The following SLC17A2 variants were observed in gnomAD, a reference collection of about 807,000 sequenced individuals.
SLC17A2 encodes sodium-dependent phosphate transport protein 3.
SLC17A2 carries 38 observed loss-of-function variants against 52.1 expected under a neutral mutation model. That is an observed-to-expected ratio of 0.73 (90% CI 0.56 to 0.96). The LOEUF (loss-of-function observed/expected upper bound fraction) is 0.96, where lower values mean the gene tolerates loss of function less well. SLC17A2 is among the 40% of genes least tolerant of loss of function. The probability of loss-of-function intolerance (pLI) is 0.00; values close to 1 mark genes in which losing one functional copy is unlikely to be tolerated. For synonymous variants in SLC17A2, 226 were observed against 211.9 expected, an observed-to-expected ratio of 1.07 and a Z score of -0.58; for missense variants, 508 against 583.9, an observed-to-expected ratio of 0.87 and a Z score of 1.34.
At position 25,914,616 on chromosome 6, in the gene SLC17A2, G is replaced by A; in HGVS notation, c.1266C>T (p.Ile422=). The change falls in exon 11 of 12, where the codon ATC becomes ATT. Residue 422 remains isoleucine (I), a synonymous_variant. Coordinates refer to ENST00000377850, the MANE Select transcript of SLC17A2 (RefSeq NM_001286123.3). ...GGAATCCAGTGGCAGTGGAAGAGAT[G>A]ATTCCTGCGATGAGCCCAAATCCCC... ...ISRGFGLIAG[I]ISSTATGFLI... 1 of 1,613,232 alleles carries A rather than the reference G, an allele frequency of 6.2e-7. No homozygotes were observed. Among genetic ancestry groups the A allele is most frequent in the South Asian group, 1.1e-5 (1 of 91,058 alleles).
chr6:25,921,353 A>G lies in SLC17A2; in HGVS notation c.300T>C (p.Tyr100=). 1.2e-6 allele frequency: 2 copies of G among 1,614,160 alleles called. No individual in the cohort carries two copies. Among genetic ancestry groups the G allele is most frequent in the Non-Finnish European group, 1.7e-6 (2 of 1,180,016 alleles). ...TTGGGATCAGAGTCAGTATTATCCC[A>G]TAGTTGATGGAGCTAAAGATGATAC... The part of the protein sequence containing the change: ...TQGIIFSSIN[Y]GIILTLIPSG... The change falls in exon 4 of 12, where the codon TAT becomes TAC. Residue 100 remains tyrosine, a synonymous_variant. Coordinates refer to ENST00000377850, the MANE Select transcript of SLC17A2 (RefSeq NM_001286123.3).
intron 2 of SLC17A2, 150 bp downstream of exon 2, chr6:25,925,619 A>G: frequency 1.3e-6 from 1 of 783,560 alleles, no homozygotes. Context: ...GGGGCTAAGG[A>G]AAAAGCAACA....
chr6:25,915,149 G>GTGTATAAATATATATATATATATATA (rs749697702), intron 10 of SLC17A2, among the ~76,000 whole-genome samples: 1 of 57,850 alleles, frequency 1.7e-5, no homozygotes, highest in Admixed American at 1.7e-4. Flanking sequence ...TATTGTGACT[G>GTGTATAAATATATATATATATATATA]TATATATATA....
In SLC17A2 at chr6:25,913,444, T is replaced by A. The variant is rs778946684; in HGVS notation, c.1310A>T (p.Glu437Val). 1 of 1,613,838 alleles carries A rather than the reference T, an allele frequency of 6.2e-7. No individual in the cohort carries two copies. Among genetic ancestry groups the A allele is most frequent in the South Asian group, 1.1e-5 (1 of 91,070 alleles). The change falls in exon 12 of 12, where the codon GAG becomes GTG. Residue 437 changes from glutamate to valine, a missense_variant. Transcript: ENST00000377850. ...ATGFLISQDFESGWRNVFFLS... is the reference protein window; with the variant it reads ...ATGFLISQDFVSGWRNVFFLS... The stretch of plus-strand genomic sequence containing the variant: ...GAAAAAGACATTCCTCCAACCAGAC[T>A]CAAAATCCTAGATGTAAAAAACAGA...
At chr6:25,929,667 G>A (rs192938621) in intron 1 of SLC17A2, among the ~76,000 whole-genome samples, 45 of 152,266 alleles carry the variant, frequency 3.0e-4, no homozygotes, top group African/African-American at 1.0e-3. Flanking sequence ...TGAGAAATTG[G>A]TGCTGACCAC....
At chr6:25,924,460 A>G (rs1200049786) in intron 2 of SLC17A2, among the ~76,000 whole-genome samples, 1 of 151,320 alleles carries the variant, frequency 6.6e-6, no homozygotes, top group Non-Finnish European at 1.5e-5. Context: ...CTACTTGGAA[A>G]TGTTATTGCT....
intron 6 of SLC17A2, among the ~76,000 whole-genome samples, 160 bp downstream of exon 6, chr6:25,918,327 G>A (rs1264580683): frequency 1.3e-5 from 2 of 152,148 alleles, no homozygotes; most frequent in Non-Finnish European, 2.9e-5. Context: ...TAATCAGGTT[G>A]TGTGACTAGA....
intron 5 of SLC17A2, 56 bp from the exon 6 acceptor site, chr6:25,918,629 G>A: frequency 8.5e-7 from 1 of 1,178,818 alleles, no homozygotes; most frequent in Non-Finnish European, 1.3e-6. Context: ...GAGACTTCGT[G>A]GCCTCCCTAA....
rs1288239513 is a variant in SLC17A2 at position 25,913,180 on chromosome 6, T to C, written c.*137A>G. 6 of 916,350 alleles carry C rather than the reference T, an allele frequency of 6.5e-6. No homozygotes were observed. Among genetic ancestry groups the C allele is most frequent in the Non-Finnish European group, 8.6e-6 (5 of 581,276 alleles). The allele number at this position is 916,350 out of a possible 1,614,324, so 56.8% of individuals were successfully genotyped here. ...GTGGGTCCCAAGTATCAGTGTCTTA[T>C]AAAGGCTCCCCAGGGAAGACTAACA... On this transcript the variant is annotated 3_prime_UTR_variant, in exon 12 of 12. Transcript: ENST00000377850.
In SLC17A2 at chr6:25,916,913, C is replaced by A. The variant is rs565234502; in HGVS notation, c.768+56G>T. On this transcript the variant is annotated intron_variant, in intron 7 of 11. Coordinates refer to ENST00000377850, the MANE Select transcript of SLC17A2 (RefSeq NM_001286123.3). Reference sequence around the variant, plus strand: ...AAGATGGTGCCTCTCAGAGGAGATCCACACCCTGCCCTAGAGACCTCTGCA... The same window carrying A: ...AAGATGGTGCCTCTCAGAGGAGATCAACACCCTGCCCTAGAGACCTCTGCA... 15 of 1,603,110 alleles carry A rather than the reference C, an allele frequency of 9.4e-6. 1 individual carries two copies. The Admixed American group carries it at 1.5e-4, about 16-fold the overall frequency.
At chr6:25,918,970 A>G (rs1195976257) in intron 5 of SLC17A2, among the ~76,000 whole-genome samples, 2 of 152,234 alleles carry the variant, frequency 1.3e-5, no homozygotes, top group African/African-American at 4.8e-5. Context: ...CCTGCCCTCA[A>G]AGAGCTTCTG....
At chr6:25,924,525 T>C (rs894791782) in intron 2 of SLC17A2, among the ~76,000 whole-genome samples, 1 of 150,412 alleles carries the variant, frequency 6.6e-6, no homozygotes, top group Admixed American at 6.6e-5. Context: ...AAAAAAAAAC[T>C]ACGTGGGGTG....
chr6:25,914,894 G>A (rs941702815), intron 10 of SLC17A2, among the ~76,000 whole-genome samples: 7 of 151,746 alleles, frequency 4.6e-5, no homozygotes, highest in East Asian at 1.9e-4. Flanking sequence ...TGGGAACCAC[G>A]TTTCTTTACC....
intron 6 of SLC17A2, 131 bp downstream of exon 6, chr6:25,918,356 G>T: frequency 1.5e-6 from 1 of 649,838 alleles, no homozygotes; most frequent in Non-Finnish European, 2.8e-6. Context: ...GATACCAACC[G>T]TTGACATTTT....
intron 2 of SLC17A2, 74 bp downstream of exon 2, chr6:25,925,695 G>T: frequency 7.6e-7 from 1 of 1,314,944 alleles, no homozygotes; most frequent in Non-Finnish European, 1.1e-6. Context: ...TCAGTGTGAT[G>T]CAGAGATGTG....
At chr6:25,924,566 T>C (rs1766685681) in intron 2 of SLC17A2, among the ~76,000 whole-genome samples, 1 of 151,774 alleles carries the variant, frequency 6.6e-6, no homozygotes, top group Admixed American at 6.6e-5. Context: ...CCCAGCATTT[T>C]GGGAGGCTAA....
chr6:25,926,565 A>G (rs1397989919), intron 1 of SLC17A2, among the ~76,000 whole-genome samples: 1 of 152,228 alleles, frequency 6.6e-6, no homozygotes, highest in African/African-American at 2.4e-5. Flanking sequence ...AAGAGAATTC[A>G]TGGCTCTAAA....
chr6:25,924,103 T>G (rs529142536), intron 2 of SLC17A2, among the ~76,000 whole-genome samples, 197 bp from the exon 3 acceptor site: 1 of 152,164 alleles, frequency 6.6e-6, no homozygotes, highest in South Asian at 2.1e-4. Flanking sequence ...TATGGGATCT[T>G]ATAACCAAGT....
chr6:25,920,982 T>A, intron 5 of SLC17A2, 24 bp downstream of exon 5: 1 of 1,601,058 alleles, frequency 6.2e-7, no homozygotes, highest in Non-Finnish European at 8.6e-7. Context: ...ATGACAAAGC[T>A]ATGACCCATC....
Sources: allele counts gnomAD v4.1 joint callset (sites outside exome capture counted in the v4.1 genomes callset), GRCh38; gene constraint gnomAD v4.1.1; transcripts MANE v1.5; gene names NCBI Gene and HGNC (gene_info 2026-07-23, HGNC 2026-07-21).